Variants in BAG2 observed in about 807,000 individuals in gnomAD.
BAG2 encodes the protein BAG cochaperone 2, also known as BAG family molecular chaperone regulator 2.
A neutral mutation model predicts 16.4 loss-of-function variants in BAG2; 8 were observed. The observed-to-expected ratio is 0.49, with a 90% CI of 0.29 to 0.88. The LOEUF is 0.88. Among genes scored for constraint, BAG2 ranks in the 40% least tolerant of loss-of-function variants. The pLI is 0.09. For synonymous variants in BAG2, 82 were observed against 89.2 expected, an observed-to-expected ratio of 0.92 and a Z score of 0.46; for missense variants, 218 against 248.9, an observed-to-expected ratio of 0.88 and a Z score of 0.84.
chr6:57,172,621 T>A lies in BAG2; in HGVS notation c.-77T>A. 1.6e-6 allele frequency: 2 copies of A among 1,249,126 alleles called. No individual in the cohort carries two copies. The highest frequency in any genetic ancestry group is 2.1e-6 in the Non-Finnish European group (2 of 950,020). The allele number at this position is 1,249,126 out of a possible 1,614,324, so 77.4% of individuals were successfully genotyped here. ...GCGCCCGCGTGGTGACGGCGACGCC[T>A]GCAGCCCAAGGAGCGCTCCACTCGC... is the stretch of plus-strand genomic sequence containing the variant. On this transcript the variant is annotated 5_prime_UTR_variant, in exon 1 of 3. Transcript: ENST00000370693.
intron 1 of BAG2, among the ~76,000 whole-genome samples, chr6:57,176,173 C>CT (rs1020894791): frequency 6.6e-6 from 1 of 152,156 alleles, no homozygotes; most frequent in Non-Finnish European, 1.5e-5. Context: ...TGTACACGGA[C>CT]TATGTGCCAG....
rs1593198727 is a variant in BAG2 at position 57,185,100 on chromosome 6, T to C, written c.*910T>C. 1.3e-5 allele frequency: 2 copies of C among 152,302 alleles called. No individual in the cohort carries two copies. Among genetic ancestry groups the C allele is most frequent in the Non-Finnish European group, 2.9e-5 (2 of 68,022 alleles). 9.4% of individuals were successfully genotyped at this position (152,302 alleles called of 1,614,324 possible). On this transcript the variant is annotated 3_prime_UTR_variant, in exon 3 of 3. Transcript: ENST00000370693. ...TATAAAGGCCCAGCAGTGAATTATA[T>C]TGGGTCAAAGGATATAGACGTTTTC... is the stretch of plus-strand genomic sequence containing the variant.
At chr6:57,173,161 G>A (rs956461960) in intron 1 of BAG2, 20 of 1,009,564 alleles carry the variant, frequency 2.0e-5, no homozygotes, top group Non-Finnish European at 2.4e-5. Context: ...GTGGCAGCTT[G>A]GGTCTGCAGA....
chr6:57,184,506 CT>C lies in BAG2; in HGVS notation c.*321del. 5.4e-6 allele frequency: 1 copy of C among 184,934 alleles called. No homozygotes were observed. Among genetic ancestry groups the C allele is most frequent in the East Asian group, 1.3e-4 (1 of 7,524 alleles). 11.5% of individuals were successfully genotyped at this position (184,934 alleles called of 1,614,324 possible). ...CAGCTAGGGGCAAAAAGCATGACTGCTTTTTCCTGTCTGGCATGGAATCACG... is the reference window on the plus strand; with the variant it reads ...CAGCTAGGGGCAAAAAGCATGACTGCTTTTCCTGTCTGGCATGGAATCACG... On this transcript the variant is annotated 3_prime_UTR_variant, in exon 3 of 3. Transcript: ENST00000370693.
At chr6:57,180,349 TAA>T (rs1439027472) in intron 1 of BAG2, among the ~76,000 whole-genome samples, 4 of 151,886 alleles carry the variant, frequency 2.6e-5, no homozygotes, top group African/African-American at 9.7e-5. Flanking sequence ...GTTGGAGAAG[TAA>T]AAGTCCATAA....
rs1050017426 is a variant in BAG2, at chr6:57,188,506, A to C, written c.*4316A>C. On this transcript the variant is annotated 3_prime_UTR_variant, in exon 3 of 3. Coordinates refer to ENST00000370693, the MANE Select transcript of BAG2 (RefSeq NM_004282.4). ...AAGAACTAACTAGAACACATATAAC[A>C]AGTGATTTTTCTGCCAATAAAGACA... 3.3e-5 allele frequency: 5 copies of C among 152,162 alleles called. No individual in the cohort carries two copies. Among genetic ancestry groups the C allele is most frequent in the Non-Finnish European group, 7.4e-5 (5 of 68,002 alleles). The allele number at this position is 152,162 out of a possible 1,614,324, so 9.4% of individuals were successfully genotyped here.
chr6:57,173,334 G>A, intron 1 of BAG2: 1 of 985,454 alleles, frequency 1.0e-6, no homozygotes, highest in Non-Finnish European at 1.2e-6. Flanking sequence ...AATCCATTGA[G>A]AGCAAAGATT....
In BAG2 at chr6:57,186,940, A is replaced by AT; in HGVS notation, c.*2754dup. The AT allele has an allele frequency of 6.6e-6, 1 of 152,034 alleles. No individual in the cohort carries two copies. The highest frequency in any genetic ancestry group is 1.5e-5 in the Non-Finnish European group (1 of 67,990). 9.4% of individuals were successfully genotyped at this position (152,034 alleles called of 1,614,324 possible). A position where few individuals can be genotyped will look rare whatever the true frequency, so the allele number is the denominator to read the frequency against. The stretch of plus-strand genomic sequence containing the variant: ...GATCTTTAAAGAAGTTGCATTATAT[A>AT]TTTTACTATTTAGATCCACACTGTT... On this transcript the variant is annotated 3_prime_UTR_variant, in exon 3 of 3. Coordinates refer to ENST00000370693, the MANE Select transcript of BAG2 (RefSeq NM_004282.4).
rs1257753397 is a variant in BAG2, at chr6:57,188,610, A to AAAAG, written c.*4422_*4425dup. ...GAGAGTAGAAAATTGAAGAGAGTAG[A>AAAAG]AAAGATGACTCATTAGCAGTATCCA... On this transcript the variant is annotated 3_prime_UTR_variant, in exon 3 of 3. Coordinates refer to ENST00000370693, the MANE Select transcript of BAG2 (RefSeq NM_004282.4). 4 of 152,154 alleles carry AAAAG rather than the reference A, an allele frequency of 2.6e-5. 1 individual carries two copies. In the South Asian group the frequency reaches 8.3e-4, roughly 32 times the overall value. The allele number at this position is 152,154 out of a possible 1,614,324, so 9.4% of individuals were successfully genotyped here.
At chr6:57,173,418 C>T (rs1001067163) in intron 1 of BAG2, 1 of 985,362 alleles carries the variant, frequency 1.0e-6, no homozygotes. Flanking sequence ...TCTGTTTCTC[C>T]CCTAACCTCG....
In BAG2 at chr6:57,184,003, CA is replaced by C. The variant is rs1764550530; in HGVS notation, c.450del (p.Val151LeufsTer8). The C allele has an allele frequency of 1.2e-6, 2 of 1,612,508 alleles. No individual in the cohort carries two copies. Among genetic ancestry groups the C allele is most frequent in the Non-Finnish European group, 1.7e-6 (2 of 1,179,600 alleles). ...SACSSEVPHG[P>X]VDQKFQSIVI... is the part of the protein sequence containing the mutation. ...TGTTCATCTGAGGTGCCACATGGGCCAGTTGATCAGAAGTTTCAATCCATAG... is the reference window on the plus strand; with the variant it reads ...TGTTCATCTGAGGTGCCACATGGGCCGTTGATCAGAAGTTTCAATCCATAG... On this transcript the variant is annotated frameshift_variant, in exon 3 of 3. Transcript: ENST00000370693. LOFTEE classifies it high-confidence loss of function.
At chr6:57,177,285 G>A (rs181681665) in intron 1 of BAG2, among the ~76,000 whole-genome samples, 45 of 152,142 alleles carry the variant, frequency 3.0e-4, no homozygotes, top group African/African-American at 8.9e-4. Context: ...ACGTGGTGGC[G>A]CATGTCTGTA....
Position 57,187,053 on chromosome 6 carries a change from G to T in BAG2, c.*2863G>T, listed in dbSNP as rs1012037520. ...GAATTCATCCTTCATGAAATTTTTAGAGTAGTGTTTTAAATTAAGCTCCAG... is the reference window on the plus strand; with the variant it reads ...GAATTCATCCTTCATGAAATTTTTATAGTAGTGTTTTAAATTAAGCTCCAG... On this transcript the variant is annotated 3_prime_UTR_variant, in exon 3 of 3. Coordinates refer to ENST00000370693, the MANE Select transcript of BAG2 (RefSeq NM_004282.4). 1 of 152,088 alleles carries T rather than the reference G, an allele frequency of 6.6e-6. No individual in the cohort carries two copies. The highest frequency in any genetic ancestry group is 1.5e-5 in the Non-Finnish European group (1 of 68,012). 9.4% of individuals were successfully genotyped at this position (152,088 alleles called of 1,614,324 possible).
In BAG2 at chr6:57,184,080, ACT is replaced by A; in HGVS notation, c.529_530del (p.Leu177AlafsTer2). 1.2e-6 allele frequency: 2 copies of A among 1,611,490 alleles called. No homozygotes were observed. The highest frequency in any genetic ancestry group is 4.5e-5 in the East Asian group (2 of 44,876). On this transcript the variant is annotated frameshift_variant, in exon 3 of 3. Coordinates refer to ENST00000370693, the MANE Select transcript of BAG2 (RefSeq NM_004282.4). LOFTEE classifies it high-confidence loss of function. ...DQKKIKRRLE[T>X]LLRNIENSDK... Reference sequence around the variant, plus strand: ...GAAGAAAATTAAGAGAAGATTAGAGACTCTGCTTAGAAATATTGAAAACTCTG... The same window carrying A: ...GAAGAAAATTAAGAGAAGATTAGAGACTGCTTAGAAATATTGAAAACTCTG...
intron 1 of BAG2, chr6:57,174,498 T>G: frequency 1.1e-6 from 1 of 894,832 alleles, no homozygotes; most frequent in South Asian, 1.6e-5. Flanking sequence ...GAATTCTGAT[T>G]GCACATCAGT....
chr6:57,183,704 TAATA>T (rs1764539363), intron 2 of BAG2, 70 bp from the exon 3 acceptor site: 1 of 1,349,316 alleles, frequency 7.4e-7, no homozygotes, highest in Admixed American at 2.6e-5. Flanking sequence ...GTAAAGAAAA[TAATA>T]AATTTAGTCA....
intron 1 of BAG2, among the ~76,000 whole-genome samples, chr6:57,180,560 G>C (rs1303989436): frequency 6.6e-6 from 1 of 151,990 alleles, no homozygotes; most frequent in East Asian, 1.9e-4. Context: ...TGGATTGCTT[G>C]GTAAATAATG....
intron 1 of BAG2, chr6:57,173,128 G>C: frequency 9.6e-7 from 1 of 1,037,914 alleles, no homozygotes; most frequent in Non-Finnish European, 1.2e-6. Flanking sequence ...AAGTTACAGT[G>C]AGATTCCATG....
At chr6:57,182,256 TTAA>T in intron 2 of BAG2, 115 bp downstream of exon 2, 1 of 721,152 alleles carries the variant, frequency 1.4e-6, no homozygotes, top group East Asian at 2.7e-5. Flanking sequence ...GCCACAGCAT[TTAA>T]TGTGAGCCAC....
Sources: gnomAD v4.1 joint callset for allele counts (sites outside exome capture counted in the v4.1 genomes callset) on GRCh38, gnomAD v4.1.1 for gene constraint, MANE v1.5 for transcripts, NCBI Gene and HGNC (gene_info 2026-07-23, HGNC 2026-07-21) for gene names.